STAP2: variants seen among roughly 807,000 people sequenced by gnomAD.
The protein encoded by STAP2 is signal-transducing adaptor protein 2.
Under a neutral mutation model 52.7 loss-of-function variants are expected in STAP2, and 58 were observed. That is an observed-to-expected ratio of 1.10 (90% CI 0.89 to 1.37). STAP2 has a LOEUF of 1.37. Ranked by LOEUF, STAP2 falls within the 40% of genes most tolerant of loss-of-function variation. STAP2 has a pLI of 0.00. For missense variants in STAP2, 522 were observed against 519.4 expected (o/e 1.00, Z -0.05); for synonymous variants, 231 against 210.5 (o/e 1.10, Z -0.84).
chr19:4,327,473 C>CT, intron 6 of STAP2, 88 bp from the exon 7 acceptor site: 2 of 1,435,302 alleles, frequency 1.4e-6, no homozygotes, highest in Non-Finnish European at 1.9e-6. Flanking sequence ...CAGGCTCCGC[C>CT]TCCAATAGAA....
At chr19:4,331,609 A>G (rs1262262738) in intron 4 of STAP2, among the ~76,000 whole-genome samples, 16 of 146,120 alleles carry the variant, frequency 1.1e-4, no homozygotes, top group East Asian at 6.2e-4. Context: ...CAGCCTGGGC[A>G]ACAGAGTGAG....
intron 11 of STAP2, chr19:4,324,787 G>A (rs571052679): frequency 2.5e-5 from 12 of 475,014 alleles, no homozygotes; most frequent in South Asian, 7.0e-5. Context: ...AGCTGAGATC[G>A]CGCCACTGCC....
At chr19:4,329,034 C>T (rs1971844858) in intron 5 of STAP2, 1 of 584,736 alleles carries the variant, frequency 1.7e-6, no homozygotes, top group Non-Finnish European at 2.9e-6. Flanking sequence ...GGGTTTCGCT[C>T]TTGTTGCCCA....
At chr19:4,337,617 C>T (rs1038757897) in intron 1 of STAP2, among the ~76,000 whole-genome samples, 11 of 150,220 alleles carry the variant, frequency 7.3e-5, no homozygotes, top group Non-Finnish European at 1.5e-5. Flanking sequence ...GAGGCCGAGA[C>T]AGGTGGATCA....
At chr19:4,337,993 C>T (rs1024704495) in intron 1 of STAP2, among the ~76,000 whole-genome samples, 10 of 152,162 alleles carry the variant, frequency 6.6e-5, no homozygotes, top group Non-Finnish European at 1.5e-4. Flanking sequence ...GCACTCTAGC[C>T]TGGGTGACAG....
chr19:4,328,955 C>CTGGG, intron 5 of STAP2, 146 bp from the exon 6 acceptor site: 1 of 1,122,878 alleles, frequency 8.9e-7, no homozygotes, highest in South Asian at 1.7e-5. Context: ...CAGGCCCCTC[C>CTGGG]CACGGAGACC....
At chr19:4,324,658 C>G (rs1029590768) in intron 11 of STAP2, 129 bp from the exon 12 acceptor site, 1 of 865,834 alleles carries the variant, frequency 1.2e-6, no homozygotes, top group Non-Finnish European at 1.8e-6. Context: ...ATGGTGAAAC[C>G]CCTTCTCTAC....
intron 5 of STAP2, among the ~76,000 whole-genome samples, chr19:4,329,663 C>A (rs190724864): frequency 2.0e-5 from 3 of 152,228 alleles, no homozygotes; most frequent in Non-Finnish European, 4.4e-5. Flanking sequence ...CGAAGCATCA[C>A]CTTCTAGACA....
intron 4 of STAP2, 137 bp from the exon 5 acceptor site, chr19:4,330,198 G>A (rs372250169): frequency 8.8e-6 from 6 of 679,382 alleles, no homozygotes; most frequent in African/African-American, 3.5e-5. Flanking sequence ...AGAGGGCTTC[G>A]AGAGGGTTGC....
intron 3 of STAP2, among the ~76,000 whole-genome samples, chr19:4,332,663 C>T (rs954374232): frequency 6.7e-6 from 1 of 149,316 alleles, no homozygotes; most frequent in African/African-American, 2.5e-5. Flanking sequence ...GGTAACATAG[C>T]GAGCCCCCTG....
intron 1 of STAP2, 95 bp downstream of exon 1, chr19:4,338,557 G>A (rs1177549372): frequency 2.6e-5 from 6 of 230,654 alleles, no homozygotes; most frequent in East Asian, 2.8e-4. Flanking sequence ...CACCCACCCC[G>A]CCCCCCCTTG....
At chr19:4,333,887 C>G in intron 2 of STAP2, 71 bp from the exon 3 acceptor site, 1 of 1,611,794 alleles carries the variant, frequency 6.2e-7, no homozygotes, top group Non-Finnish European at 8.5e-7. Context: ...GATGTAGCAG[C>G]CACCTTGACC....
rs375145385 is a variant in STAP2 at position 4,330,479 on chromosome 19, C to T, written c.355-418G>A. The stretch of plus-strand genomic sequence containing the variant: ...CGGAGGCTGCAGTAAGCCAAGATCA[C>T]GCCATTGCACTCCAGCCTGGGTGAC... On this transcript the variant is annotated intron_variant, in intron 4 of 12. Transcript: ENST00000594605. Among the ~76,000 whole-genome samples, 11 of 150,712 alleles carry T rather than the reference C, an allele frequency of 7.3e-5. No homozygotes were observed. The East Asian group carries it at 8.0e-4, about 11-fold the overall frequency.
chr19:4,333,577 A>G (rs910437641), intron 3 of STAP2, 117 bp downstream of exon 3: 8 of 1,384,692 alleles, frequency 5.8e-6, no homozygotes, highest in Non-Finnish European at 5.7e-6. Flanking sequence ...AGTCTTACCC[A>G]GGGCCCACAG....
intron 1 of STAP2, among the ~76,000 whole-genome samples, chr19:4,336,185 T>C (rs1372489732): frequency 6.6e-6 from 1 of 151,734 alleles, no homozygotes; most frequent in African/African-American, 2.4e-5. Context: ...CTAATTTTTG[T>C]ATTTTTTAGT....
chr19:4,335,066 A>ATCATCCATCCACCCAC (rs1174115707), intron 1 of STAP2, among the ~76,000 whole-genome samples: 1 of 76,334 alleles, frequency 1.3e-5, no homozygotes, highest in Non-Finnish European at 2.6e-5. Context: ...CCCACCATCT[A>ATCATCCATCCACCCAC]TCATCCATCC....
intron 4 of STAP2, among the ~76,000 whole-genome samples, chr19:4,331,675 G>A (rs1206792407): frequency 6.6e-6 from 1 of 151,842 alleles, no homozygotes. Context: ...GCTCACGCCT[G>A]TAATCCCAGC....
chr19:4,334,356 C>G (rs552881135), intron 1 of STAP2, among the ~76,000 whole-genome samples: 2 of 152,232 alleles, frequency 1.3e-5, no homozygotes, highest in South Asian at 4.1e-4. Flanking sequence ...AGTTAACTAA[C>G]TGGTTTAATG....
At chr19:4,331,553 C>A in intron 4 of STAP2, among the ~76,000 whole-genome samples, 1 of 151,210 alleles carries the variant, frequency 6.6e-6, no homozygotes, top group East Asian at 1.9e-4. Context: ...TTGCTTGAAC[C>A]GGGGAGGCAG....
Sources: gnomAD v4.1 joint callset for allele counts (sites outside exome capture counted in the v4.1 genomes callset) on GRCh38, gnomAD v4.1.1 for gene constraint, MANE v1.5 for transcripts, NCBI Gene and HGNC (gene_info 2026-07-23, HGNC 2026-07-21) for gene names.